The following TBL1XR1 variants were observed in gnomAD, a reference collection of about 807,000 sequenced individuals.
TBL1XR1 encodes F-box-like/WD repeat-containing protein TBL1XR1.
A neutral mutation model predicts 66.9 loss-of-function variants in TBL1XR1; 5 were observed. The observed-to-expected ratio is 0.07, with a 90% CI of 0.04 to 0.16. TBL1XR1 has a LOEUF of 0.16. TBL1XR1 is among the 10% of genes least tolerant of loss of function. The probability of loss-of-function intolerance (pLI) is 1.00; values close to 1 mark genes in which losing one functional copy is unlikely to be tolerated. For missense variants in TBL1XR1, 238 were observed against 623.2 expected, an observed-to-expected ratio of 0.38 and a Z score of 6.58; for synonymous variants, 210 against 206.0, an observed-to-expected ratio of 1.02 and a Z score of -0.17.
At chr3:177,164,030 G>A (rs938108148) in intron 1 of TBL1XR1, 1 of 152,110 alleles carries the variant, frequency 6.6e-6, no homozygotes, top group Non-Finnish European at 1.5e-5. Context: ...TCTTCAACCA[G>A]AGAATTATTA....
chr3:177,188,484 G>A (rs561528436), intron 1 of TBL1XR1, among the ~76,000 whole-genome samples: 3 of 151,930 alleles, frequency 2.0e-5, no homozygotes, highest in East Asian at 2.0e-4. Flanking sequence ...GAGGTGGAGG[G>A]TGCAGTGAGC....
intron 14 of TBL1XR1, among the ~76,000 whole-genome samples, chr3:177,029,793 T>C (rs527300426): frequency 3.8e-4 from 57 of 151,188 alleles, no homozygotes; most frequent in Admixed American, 6.0e-4. Flanking sequence ...TATAAAACAA[T>C]TGAAAAATTG....
At chr3:177,043,569 T>C (rs1000890733) in intron 10 of TBL1XR1, among the ~76,000 whole-genome samples, 1 of 152,188 alleles carries the variant, frequency 6.6e-6, no homozygotes, top group African/African-American at 2.4e-5. Context: ...CATCATTTTA[T>C]TTTCAGCCTA....
chr3:177,130,050 C>T (rs1728097918), intron 1 of TBL1XR1, among the ~76,000 whole-genome samples: 1 of 150,230 alleles, frequency 6.7e-6, no homozygotes, highest in South Asian at 2.1e-4. Context: ...GAGATGGAGG[C>T]TGGAGAATCG....
chr3:177,084,527 A>G (rs949416483), intron 2 of TBL1XR1, among the ~76,000 whole-genome samples: 8 of 152,260 alleles, frequency 5.3e-5, no homozygotes, highest in African/African-American at 1.9e-4. Flanking sequence ...TCCATTGTAC[A>G]CATACAGCAA....
At chr3:177,163,537 T>C (rs373476616) in intron 1 of TBL1XR1, among the ~76,000 whole-genome samples, 6 of 151,130 alleles carry the variant, frequency 4.0e-5, no homozygotes, top group African/African-American at 1.5e-4. Context: ...GCTCTTTGTG[T>C]AGATGTGAGA....
At chr3:177,177,031 T>C (rs917255242) in intron 1 of TBL1XR1, among the ~76,000 whole-genome samples, 4 of 152,138 alleles carry the variant, frequency 2.6e-5, no homozygotes, top group African/African-American at 7.2e-5. Flanking sequence ...ACTGGTAGCA[T>C]CCAAATGGGT....
At chr3:177,157,019 A>G (rs1731599891) in intron 1 of TBL1XR1, among the ~76,000 whole-genome samples, 1 of 152,194 alleles carries the variant, frequency 6.6e-6, no homozygotes, top group Non-Finnish European at 1.5e-5. Flanking sequence ...CACAGGTCTC[A>G]CTGGGCTAAA....
At chr3:177,081,702 C>T (rs1721412631) in intron 2 of TBL1XR1, among the ~76,000 whole-genome samples, 2 of 148,820 alleles carry the variant, frequency 1.3e-5, no homozygotes, top group East Asian at 3.9e-4. Flanking sequence ...GACTGCGCTG[C>T]ATGCACTCCA....
At chr3:177,171,106 C>T (rs939956220) in intron 1 of TBL1XR1, among the ~76,000 whole-genome samples, 1 of 151,940 alleles carries the variant, frequency 6.6e-6, no homozygotes, top group Admixed American at 6.5e-5. Context: ...TTTGGAAGGC[C>T]GAGGCGAGCG....
chr3:177,107,431 T>C (rs1451876318), intron 1 of TBL1XR1, among the ~76,000 whole-genome samples: 1 of 152,218 alleles, frequency 6.6e-6, no homozygotes, highest in Non-Finnish European at 1.5e-5. Context: ...AAATATTTCA[T>C]TTAACTACCA....
intron 1 of TBL1XR1, among the ~76,000 whole-genome samples, chr3:177,174,765 G>C (rs569180893): frequency 3.3e-5 from 5 of 152,192 alleles, no homozygotes; most frequent in African/African-American, 1.2e-4. Context: ...TTTCTCCCCT[G>C]TCCAGAGCTA....
intron 1 of TBL1XR1, among the ~76,000 whole-genome samples, chr3:177,151,834 G>A (rs1326877654): frequency 6.6e-6 from 1 of 152,104 alleles, no homozygotes; most frequent in Non-Finnish European, 1.5e-5. Context: ...GACCAACCTG[G>A]CCACCACGGT....
intron 1 of TBL1XR1, among the ~76,000 whole-genome samples, chr3:177,162,931 A>G (rs755562813): frequency 2.4e-4 from 36 of 152,244 alleles, no homozygotes; most frequent in Non-Finnish European, 4.6e-4. Context: ...ATGGGCAGAG[A>G]CACATTGAGA....
intron 2 of TBL1XR1, among the ~76,000 whole-genome samples, chr3:177,074,061 C>T (rs1016622782): frequency 3.1e-4 from 47 of 152,316 alleles, no homozygotes; most frequent in African/African-American, 1.0e-3. Context: ...TGATTCATTA[C>T]ATACTCAACC....
chr3:177,156,116 T>TA (rs531101146), intron 1 of TBL1XR1, among the ~76,000 whole-genome samples: 1,965 of 49,796 alleles, frequency 0.039, 47 homozygotes, highest in African/African-American at 0.13. Context: ...CAGAAACCAT[T>TA]AAAAAAAAAA....
At chr3:177,109,735 A>G (rs1364902839) in intron 1 of TBL1XR1, among the ~76,000 whole-genome samples, 1 of 152,088 alleles carries the variant, frequency 6.6e-6, no homozygotes, top group African/African-American at 2.4e-5. Context: ...ATGAAAAAAG[A>G]AAAAGTCCAA....
At chr3:177,102,019 G>A (rs1724285938) in intron 1 of TBL1XR1, among the ~76,000 whole-genome samples, 1 of 151,790 alleles carries the variant, frequency 6.6e-6, no homozygotes, top group Non-Finnish European at 1.5e-5. Context: ...ATAAGATATG[G>A]TACACATATA....
chr3:177,156,592 A>ATATAT (rs1560239392), intron 1 of TBL1XR1, among the ~76,000 whole-genome samples: 4 of 148,968 alleles, frequency 2.7e-5, no homozygotes, highest in Non-Finnish European at 6.0e-5. Context: ...TATATATATA[A>ATATAT]AATTCTGACA....
Sources: gnomAD v4.1 joint callset for allele counts (sites outside exome capture counted in the v4.1 genomes callset) on GRCh38, gnomAD v4.1.1 for gene constraint, MANE v1.5 for transcripts, NCBI Gene and HGNC (gene_info 2026-07-23, HGNC 2026-07-21) for gene names.